TTC7B: variants seen among roughly 807,000 people sequenced by gnomAD.
TTC7B encodes the protein tetratricopeptide repeat protein 7B.
Under a neutral mutation model 106.8 loss-of-function variants are expected in TTC7B, and 28 were observed. That is an observed-to-expected ratio of 0.26 (90% CI 0.19 to 0.36). The LOEUF (loss-of-function observed/expected upper bound fraction) is 0.36, where lower values mean the gene tolerates loss of function less well. Ranked by LOEUF, TTC7B falls within the 10% of genes least tolerant of loss-of-function variation. TTC7B has a pLI of 1.00. For synonymous variants in TTC7B, 405 were observed against 430.6 expected, an observed-to-expected ratio of 0.94 and a Z score of 0.74; for missense variants, 862 against 1,076.4, an observed-to-expected ratio of 0.80 and a Z score of 2.79.
chr14:90,533,133 C>T lies in TTC7B; in HGVS notation c.*8235G>A, dbSNP rs1889325579. On this transcript the variant is annotated 3_prime_UTR_variant, in exon 20 of 20. Coordinates refer to ENST00000328459, the MANE Select transcript of TTC7B (RefSeq NM_001010854.2). The stretch of plus-strand genomic sequence containing the variant: ...CCAGGTCCCGATGCAGGCTCCAGCC[C>T]AGCAGGCCCACAACCCGAGCCCTTG... 1 of 152,454 alleles carries T rather than the reference C, an allele frequency of 6.6e-6. No homozygotes were observed. Among genetic ancestry groups the T allele is most frequent in the Non-Finnish European group, 1.5e-5 (1 of 68,258 alleles). 9.4% of individuals were successfully genotyped at this position (152,454 alleles called of 1,614,324 possible).
intron 1 of TTC7B, among the ~76,000 whole-genome samples, chr14:90,815,922 G>C (rs1463492732): frequency 6.6e-6 from 1 of 151,796 alleles, no homozygotes; most frequent in Non-Finnish European, 1.5e-5. Context: ...AGACTCCGCA[G>C]AAGCCCGCCC....
chr14:90,596,668 T>A (rs1258845315), intron 17 of TTC7B, among the ~76,000 whole-genome samples: 10 of 152,228 alleles, frequency 6.6e-5, no homozygotes, highest in African/African-American at 9.6e-5. Context: ...GGTGCTTCTA[T>A]GTGGTTGTCA....
At chr14:90,756,384 G>GTTTTTTTTTTTTTTTTTTTTTGT (rs369068692) in intron 3 of TTC7B, among the ~76,000 whole-genome samples, 1 of 126,780 alleles carries the variant, frequency 7.9e-6, no homozygotes, top group Non-Finnish European at 1.6e-5. Context: ...TTTTTTTTTT[G>GTTTTTTTTTTTTTTTTTTTTTGT]TTTTTTTTTT....
At chr14:90,803,078 G>A (rs536225156) in intron 1 of TTC7B, among the ~76,000 whole-genome samples, 3 of 152,012 alleles carry the variant, frequency 2.0e-5, no homozygotes, top group Admixed American at 6.5e-5. Context: ...GGGAGGCAGA[G>A]GTTGCAGTGA....
intron 7 of TTC7B, 79 bp downstream of exon 7, chr14:90,689,461 G>C: frequency 7.8e-7 from 1 of 1,275,476 alleles, no homozygotes; most frequent in Non-Finnish European, 1.1e-6. Flanking sequence ...ATCTACTCTT[G>C]TACTTCTCAT....
At chr14:90,558,508 G>A (rs925463892) in intron 19 of TTC7B, among the ~76,000 whole-genome samples, 1 of 152,234 alleles carries the variant, frequency 6.6e-6, no homozygotes, top group African/African-American at 2.4e-5. Context: ...CGGTCATTTT[G>A]GTGAGTGGCT....
chr14:90,652,166 C>T (rs577521917), intron 13 of TTC7B, among the ~76,000 whole-genome samples: 51 of 152,260 alleles, frequency 3.3e-4, no homozygotes, highest in African/African-American at 1.2e-3. Context: ...GCTGCGGGAC[C>T]GGCAGCTCCT....
chr14:90,610,662 G>T, intron 17 of TTC7B, 80 bp downstream of exon 17: 1 of 1,040,214 alleles, frequency 9.6e-7, no homozygotes, highest in South Asian at 1.3e-5. Context: ...AACCCGATCA[G>T]TCTCATCCCA....
chr14:90,794,768 T>C (rs866215867), intron 1 of TTC7B, among the ~76,000 whole-genome samples: 7 of 152,160 alleles, frequency 4.6e-5, no homozygotes, highest in African/African-American at 1.4e-4. Flanking sequence ...TATGTTTTCT[T>C]TGCTTCCCTC....
chr14:90,659,230 T>TGTGTGTGTGTGA lies in TTC7B; in HGVS notation c.1153-844_1153-843insTCACACACACAC, dbSNP rs559012864. On this transcript the variant is annotated intron_variant, in intron 9 of 19. Coordinates refer to ENST00000328459, the MANE Select transcript of TTC7B (RefSeq NM_001010854.2). ...GAGTGTGATTGTGTGTGTGTGTGTG[T>TGTGTGTGTGTGA]GAGAGAGAGAGAGTGTGTGGAGTGT... is the stretch of plus-strand genomic sequence containing the variant. Among the ~76,000 whole-genome samples the TGTGTGTGTGTGA allele has an allele frequency of 9.9e-3, 1,456 of 146,934 alleles. 18 individuals are homozygous for TGTGTGTGTGTGA. The highest frequency in any genetic ancestry group is 0.042 in the Middle Eastern group (12 of 284).
chr14:90,542,334 G>T (rs181746307), intron 19 of TTC7B, among the ~76,000 whole-genome samples: 2 of 151,946 alleles, frequency 1.3e-5, no homozygotes, highest in East Asian at 3.9e-4. Context: ...CCCCTTCCCC[G>T]ACCAAGGCCC....
At chr14:90,638,478 A>G (rs1294141842) in intron 15 of TTC7B, among the ~76,000 whole-genome samples, 2 of 152,244 alleles carry the variant, frequency 1.3e-5, no homozygotes, top group African/African-American at 2.4e-5. Context: ...TCTGTATACA[A>G]TAGTGCATAT....
At chr14:90,763,071 T>C (rs4904726) in intron 3 of TTC7B, among the ~76,000 whole-genome samples, 47,879 of 151,978 alleles carry the variant, frequency 0.32, 10,718 homozygotes, top group African/African-American at 0.64. Context: ...ACATTGACAC[T>C]AAAACCAAAG....
rs181609125 is a variant in TTC7B, at chr14:90,593,529, C to G, written c.2064G>C (p.Pro688=). ...GTGCCAGCGTCATCCAGGGGTGCAG[C>G]GGGCCCTGCTTAGGGGCACTGCTCT... The part of the protein sequence containing the change: ...SLQSSAPKQG[P]LHPWMTLAQI... The change falls in exon 18 of 20, where the codon CCG becomes CCC. Residue 688 remains proline, a synonymous_variant. Coordinates refer to ENST00000328459, the MANE Select transcript of TTC7B (RefSeq NM_001010854.2). The G allele has an allele frequency of 6.8e-6, 11 of 1,610,496 alleles. No homozygotes were observed. The highest frequency in any genetic ancestry group is 9.3e-6 in the Non-Finnish European group (11 of 1,178,014).
intron 1 of TTC7B, among the ~76,000 whole-genome samples, chr14:90,810,646 A>G (rs1228608433): frequency 6.6e-6 from 1 of 152,244 alleles, no homozygotes; most frequent in Non-Finnish European, 1.5e-5. Flanking sequence ...CTGCTCACCC[A>G]ACCACCAGAG....
intron 19 of TTC7B, among the ~76,000 whole-genome samples, chr14:90,551,206 C>T (rs1566764736): frequency 6.6e-6 from 1 of 152,210 alleles, no homozygotes; most frequent in African/African-American, 2.4e-5. Context: ...CAGAGTGGGG[C>T]TAGACAGCAG....
At chr14:90,718,729 A>G (rs565631049) in intron 5 of TTC7B, among the ~76,000 whole-genome samples, 84 of 152,010 alleles carry the variant, frequency 5.5e-4, no homozygotes, top group African/African-American at 2.0e-3. Context: ...TATGAGCCAC[A>G]GCCGTCTCAG....
intron 17 of TTC7B, among the ~76,000 whole-genome samples, chr14:90,599,151 AAAGAG>A (rs1892330702): frequency 6.6e-6 from 1 of 152,066 alleles, no homozygotes; most frequent in South Asian, 2.1e-4. Flanking sequence ...TCAAACAAAA[AAAGAG>A]AAGAAAAAGA....
rs556034460 is a variant in TTC7B at position 90,550,661 on chromosome 14, AG to A, written c.2311-9073del. Among the ~76,000 whole-genome samples, 5 of 151,966 alleles carry A rather than the reference AG, an allele frequency of 3.3e-5. 1 individual carries two copies. The highest frequency in any genetic ancestry group is 1.3e-4 in the Admixed American group (2 of 15,270). ...TGACACTATTAGTGACTCCGAGAGG[AG>A]GGGGGGCCCTTCCGTGATGCCAGTA... On this transcript the variant is annotated intron_variant, in intron 19 of 19. Coordinates refer to ENST00000328459, the MANE Select transcript of TTC7B (RefSeq NM_001010854.2).
Sources: gnomAD v4.1 joint callset for allele counts (sites outside exome capture counted in the v4.1 genomes callset) on GRCh38, gnomAD v4.1.1 for gene constraint, MANE v1.5 for transcripts, NCBI Gene and HGNC (gene_info 2026-07-23, HGNC 2026-07-21) for gene names.